The following CIB1 variants were observed in gnomAD, a reference collection of about 807,000 sequenced individuals.
The protein encoded by CIB1 is calcium and integrin binding 1, also known as calcium and integrin-binding protein 1.
CIB1 carries 19 observed loss-of-function variants against 25.0 expected under a neutral mutation model. The ratio of observed to expected loss-of-function variants is 0.76; its 90% CI spans 0.53 to 1.12. The LOEUF is 1.12. Among genes scored for constraint, CIB1 ranks in the 50% most tolerant of loss-of-function variants. CIB1 has a pLI of 0.00. For synonymous variants in CIB1, 104 were observed against 98.5 expected (o/e 1.06, Z -0.33); for missense variants, 236 against 242.6 (o/e 0.97, Z 0.18).
In CIB1 at chr15:90,230,371, G is replaced by C. The variant is rs1962445268; in HGVS notation, c.*113C>G. ...CCCGGGGTGAGGCTGCACAGCGCCA[G>C]CTCCAGGCTGGGCCAGCTTGGCCCG... On this transcript the variant is annotated 3_prime_UTR_variant, in exon 7 of 7. Transcript: ENST00000328649. 1 of 1,287,286 alleles carries C rather than the reference G, an allele frequency of 7.8e-7. No homozygotes were observed. Among genetic ancestry groups the C allele is most frequent in the Non-Finnish European group, 1.1e-6 (1 of 917,606 alleles). 79.7% of individuals were successfully genotyped at this position (1,287,286 alleles called of 1,614,324 possible).
chr15:90,242,172 C>A, the CIB1 span: 3 of 938,258 alleles, frequency 3.2e-6, no homozygotes, highest in Non-Finnish European at 4.7e-6. Flanking sequence ...ACTGTAGCCT[C>A]CACCTCTGGG....
chr15:90,245,995 C>A, the CIB1 span, among the ~76,000 whole-genome samples: 2 of 152,072 alleles, frequency 1.3e-5, no homozygotes, highest in East Asian at 1.9e-4. Context: ...ATGCAGAGGC[C>A]GGGCACGGTG....
the CIB1 span, chr15:90,259,105 G>A: frequency 1.4e-6 from 2 of 1,393,292 alleles, no homozygotes; most frequent in East Asian, 5.7e-5. Flanking sequence ...GCTCATATCT[G>A]TAATCCCAGC....
upstream of CIB1, among the ~76,000 whole-genome samples, chr15:90,236,826 A>G (rs1962645772): frequency 6.6e-6 from 1 of 151,860 alleles, no homozygotes; most frequent in African/African-American, 2.4e-5. Flanking sequence ...CCGGCCTCTC[A>G]TGGTAGATTA....
At chr15:90,263,726 C>T in the CIB1 span, 2 of 668,382 alleles carry the variant, frequency 3.0e-6, no homozygotes, top group African/African-American at 3.6e-5. Flanking sequence ...TAAGGGGCTG[C>T]TCTTCTCCTC....
chr15:90,247,787 G>A, the CIB1 span, among the ~76,000 whole-genome samples: 1 of 151,058 alleles, frequency 6.6e-6, no homozygotes, highest in African/African-American at 2.5e-5. Context: ...CCAGGCTGGA[G>A]TGCAGTGGCG....
the CIB1 span, chr15:90,265,417 G>A: frequency 1.6e-6 from 2 of 1,280,276 alleles, no homozygotes; most frequent in East Asian, 3.9e-5. Context: ...GCAGCCGCTG[G>A]GGCGGAGGGA....
At chr15:90,240,727 C>T in the CIB1 span, among the ~76,000 whole-genome samples, 6 of 151,792 alleles carry the variant, frequency 4.0e-5, no homozygotes, top group Non-Finnish European at 7.4e-5. Flanking sequence ...GCGGGAGAAC[C>T]GCTTGAACCC....
At position 90,231,366 on chromosome 15, in the gene CIB1, G is replaced by T; in HGVS notation, c.337C>A (p.Arg113Ser). ...TGCTCCTGGTTCTCACCAAAGATGC[G>T]GAAGGCATAATGGGACTTGATGTCT... ...TPDIKSHYAF[R>S]IFDFDDDGTL... Residue 113 changes from arginine to serine, a missense_variant, in exon 4 of 7, where the codon CGC becomes AGC. Coordinates refer to ENST00000328649, the MANE Select transcript of CIB1 (RefSeq NM_006384.4). 1 of 1,613,982 alleles carries T rather than the reference G, an allele frequency of 6.2e-7. No individual in the cohort carries two copies. Among genetic ancestry groups the T allele is most frequent in the Middle Eastern group, 1.7e-4 (1 of 6,060 alleles).
chr15:90,235,483 C>A (rs1342920874), upstream of CIB1, among the ~76,000 whole-genome samples: 1 of 151,948 alleles, frequency 6.6e-6, no homozygotes, highest in Non-Finnish European at 1.5e-5. Context: ...CACTGCAGTC[C>A]AGCCTGGGCA....
At chr15:90,257,959 T>C in the CIB1 span, 2 of 1,362,068 alleles carry the variant, frequency 1.5e-6, no homozygotes, top group African/African-American at 2.9e-5. Context: ...CAATTAGCGT[T>C]AGTGTGAGGG....
the CIB1 span, among the ~76,000 whole-genome samples, chr15:90,259,594 A>G: frequency 6.6e-6 from 1 of 152,228 alleles, no homozygotes; most frequent in African/African-American, 2.4e-5. Flanking sequence ...AGACAGAGGC[A>G]TAACTTTCAC....
At position 90,230,212 on chromosome 15, in the gene CIB1, C is replaced by G. The variant is rs1001775470; in HGVS notation, c.*272G>C. Reference sequence around the variant, plus strand: ...AAGGCTCTTAGAAGAGAAGTCCAGTCCTTCCTCATACCAGTGTATCTCATG... The same window carrying G: ...AAGGCTCTTAGAAGAGAAGTCCAGTGCTTCCTCATACCAGTGTATCTCATG... On this transcript the variant is annotated 3_prime_UTR_variant, in exon 7 of 7. Coordinates refer to ENST00000328649, the MANE Select transcript of CIB1 (RefSeq NM_006384.4). 1.5e-5 allele frequency: 8 copies of G among 523,722 alleles called. No individual in the cohort carries two copies. Among genetic ancestry groups the G allele is most frequent in the Non-Finnish European group, 1.7e-5 (5 of 292,342 alleles). The allele number at this position is 523,722 out of a possible 1,614,324, so 32.4% of individuals were successfully genotyped here. A position where few individuals can be genotyped will look rare whatever the true frequency, so the allele number is the denominator to read the frequency against.
upstream of CIB1, chr15:90,234,120 A>C: frequency 3.3e-6 from 1 of 300,346 alleles, no homozygotes; most frequent in African/African-American, 2.2e-5. Context: ...GAGGGGCCCG[A>C]CGCTCCGGGG....
chr15:90,233,126 A>G, intron 2 of CIB1, among the ~76,000 whole-genome samples: 1 of 152,232 alleles, frequency 6.6e-6, no homozygotes, highest in Non-Finnish European at 1.5e-5. Flanking sequence ...TTCCAGCCCA[A>G]GTTCAAATCT....
chr15:90,249,110 C>G, the CIB1 span, among the ~76,000 whole-genome samples: 1 of 149,688 alleles, frequency 6.7e-6, no homozygotes, highest in Admixed American at 6.8e-5. Context: ...ACTGGGGAGG[C>G]TGAGGCAGGA....
chr15:90,241,868 TG>T, the CIB1 span: 3 of 1,614,176 alleles, frequency 1.9e-6, no homozygotes, highest in Non-Finnish European at 2.5e-6. Context: ...AGTCCAGCTT[TG>T]GGATAAAGGA....
chr15:90,262,522 G>A, the CIB1 span: 1 of 1,519,730 alleles, frequency 6.6e-7, no homozygotes, highest in Non-Finnish European at 8.8e-7. Flanking sequence ...GCCTTAAGCA[G>A]GAACAGCAGG....
chr15:90,264,200 C>CT, the CIB1 span: 169 of 604,600 alleles, frequency 2.8e-4, no homozygotes, highest in Middle Eastern at 1.2e-3. Flanking sequence ...TTATTTACTC[C>CT]TTTTTTTTTG....
Sources: allele counts gnomAD v4.1 joint callset (sites outside exome capture counted in the v4.1 genomes callset), GRCh38; gene constraint gnomAD v4.1.1; transcripts MANE v1.5; gene names NCBI Gene and HGNC (gene_info 2026-07-23, HGNC 2026-07-21).